TMEM182: variants seen among roughly 807,000 people sequenced by gnomAD.
The protein encoded by TMEM182 is transmembrane protein 182.
TMEM182 carries 20 observed loss-of-function variants against 26.8 expected under a neutral mutation model. The ratio of observed to expected loss-of-function variants is 0.75; its 90% CI spans 0.53 to 1.09. The LOEUF is 1.09. TMEM182 is among the 50% of genes least tolerant of loss of function. TMEM182 has a pLI of 0.00. For synonymous variants in TMEM182, 109 were observed against 102.2 expected, an observed-to-expected ratio of 1.07 and a Z score of -0.40; for missense variants, 277 against 275.5, an observed-to-expected ratio of 1.01 and a Z score of -0.04.
At chr2:102,818,930 C>T (rs978524608), downstream of TMEM182, among the ~76,000 whole-genome samples, 10 of 152,026 alleles carry the variant, frequency 6.6e-5, no homozygotes, top group African/African-American at 2.4e-4. Context: ...GATAGTTTAC[C>T]TTGGGTTTAT....
At chr2:102,786,210 G>GTTTTT (rs772846502) in intron 3 of TMEM182, among the ~76,000 whole-genome samples, 984 of 91,784 alleles carry the variant, frequency 0.011, 16 homozygotes, top group East Asian at 0.016. Context: ...TCAGCAATCT[G>GTTTTT]TTTTTTTTTT....
intron 3 of TMEM182, among the ~76,000 whole-genome samples, chr2:102,827,056 C>T (rs943668597): frequency 3.9e-5 from 6 of 152,200 alleles, no homozygotes; most frequent in Non-Finnish European, 8.8e-5. Flanking sequence ...CCCTTTGAAA[C>T]GGGTCGCTCT....
chr2:102,744,631 A>C (rs1679637819), intron 1 of TMEM182, among the ~76,000 whole-genome samples: 1 of 152,090 alleles, frequency 6.6e-6, no homozygotes. Context: ...ATGTTATATA[A>C]CTAGGCTTGA....
chr2:102,818,828 CTA>C (rs1178468789), downstream of TMEM182, among the ~76,000 whole-genome samples: 1 of 152,062 alleles, frequency 6.6e-6, no homozygotes, highest in African/African-American at 2.4e-5. Context: ...TAGATACTCT[CTA>C]TATCTATACA....
At chr2:102,812,772 A>G (rs951215282) in intron 4 of TMEM182, among the ~76,000 whole-genome samples, 3 of 152,214 alleles carry the variant, frequency 2.0e-5, no homozygotes, top group African/African-American at 7.2e-5. Flanking sequence ...CACATGATGC[A>G]AGGAAGATAA....
chr2:102,832,930 G>C (rs926870110), intron 3 of TMEM182, among the ~76,000 whole-genome samples: 2 of 152,168 alleles, frequency 1.3e-5, no homozygotes, highest in African/African-American at 4.8e-5. Context: ...AGGGAGACAG[G>C]CTTGGATGAC....
rs1276035659 is a variant in TMEM182 at position 102,762,123 on chromosome 2, T to A, written c.-95T>A. 1.5e-4 allele frequency: 7 copies of A among 47,798 alleles called. No homozygotes were observed. Among genetic ancestry groups the A allele is most frequent in the African/African-American group, 8.8e-4 (6 of 6,834 alleles). The allele number at this position is 47,798 out of a possible 1,614,324, so 3.0% of individuals were successfully genotyped here. On this transcript the variant is annotated 5_prime_UTR_variant, in exon 1 of 5. Transcript: ENST00000412401. The stretch of plus-strand genomic sequence containing the variant: ...TTCTGCCAACTCAAAAATATTATTC[T>A]TTTTTTTTTTTTTTTGCTGTTGTTT...
chr2:102,796,962 C>A (rs1045501158), intron 3 of TMEM182, among the ~76,000 whole-genome samples: 6 of 152,106 alleles, frequency 3.9e-5, no homozygotes, highest in African/African-American at 1.4e-4. Context: ...TGAGCGTTCC[C>A]CCATCTATAC....
intron 4 of TMEM182, among the ~76,000 whole-genome samples, chr2:102,809,735 A>G (rs954700459): frequency 1.3e-5 from 2 of 152,206 alleles, no homozygotes; most frequent in Non-Finnish European, 2.9e-5. Context: ...ATCATCCTTA[A>G]CATTTTATGA....
At chr2:102,808,381 G>C (rs545956099) in intron 4 of TMEM182, among the ~76,000 whole-genome samples, 155 of 152,260 alleles carry the variant, frequency 1.0e-3, no homozygotes, top group Non-Finnish European at 1.7e-3. Context: ...AGTTAAGGCA[G>C]TGTTTTATTA....
chr2:102,838,282 T>C (rs1172935070), intron 3 of TMEM182, among the ~76,000 whole-genome samples: 2 of 152,242 alleles, frequency 1.3e-5, no homozygotes, highest in Non-Finnish European at 2.9e-5. Flanking sequence ...TTGGTTTCCC[T>C]AGCTTCACTG....
downstream of TMEM182, among the ~76,000 whole-genome samples, chr2:102,819,416 G>T (rs896534468): frequency 1.3e-5 from 2 of 152,060 alleles, no homozygotes; most frequent in Non-Finnish European, 1.5e-5. Context: ...AAAAACTTTT[G>T]TGGGTATATG....
intron 3 of TMEM182, chr2:102,834,492 TG>T (rs1683206624): frequency 1.1e-6 from 1 of 938,556 alleles, no homozygotes; most frequent in Non-Finnish European, 1.3e-6. Context: ...CACTTTCAGA[TG>T]CACCGTCTCA....
At chr2:102,753,270 T>A (rs1679930467) in intron 1 of TMEM182, among the ~76,000 whole-genome samples, 2 of 151,906 alleles carry the variant, frequency 1.3e-5, no homozygotes, top group South Asian at 4.2e-4. Flanking sequence ...AGGCTGGAGC[T>A]ACATAGCAAA....
At chr2:102,840,112 T>G (rs1683320667) in intron 3 of TMEM182, among the ~76,000 whole-genome samples, 1 of 152,110 alleles carries the variant, frequency 6.6e-6, no homozygotes, top group Admixed American at 6.5e-5. Flanking sequence ...CATCTGCCAC[T>G]AGAGGGCGCA....
At chr2:102,794,274 A>G (rs899634761) in intron 3 of TMEM182, among the ~76,000 whole-genome samples, 1 of 152,052 alleles carries the variant, frequency 6.6e-6, no homozygotes, top group Non-Finnish European at 1.5e-5. Context: ...GGTCACTCGG[A>G]CTCCAACACC....
At chr2:102,798,145 A>G in intron 4 of TMEM182, 145 bp downstream of exon 4, 3 of 1,075,574 alleles carry the variant, frequency 2.8e-6, no homozygotes, top group African/African-American at 1.6e-5. Flanking sequence ...ACTAACTAAT[A>G]ATATTTGTAT....
intron 3 of TMEM182, among the ~76,000 whole-genome samples, chr2:102,837,659 A>T (rs1683272184): frequency 6.6e-6 from 1 of 152,138 alleles, no homozygotes; most frequent in African/African-American, 2.4e-5. Flanking sequence ...GAGCAAGAGG[A>T]GCTGCTGCAG....
At chr2:102,798,526 A>G (rs78511570) in intron 4 of TMEM182, among the ~76,000 whole-genome samples, 2,347 of 152,048 alleles carry the variant, frequency 0.015, 67 homozygotes, top group African/African-American at 0.053. Flanking sequence ...TTTCTACATC[A>G]CTCCCATTCA....
Sources: gnomAD v4.1 joint callset for allele counts (sites outside exome capture counted in the v4.1 genomes callset) on GRCh38, gnomAD v4.1.1 for gene constraint, MANE v1.5 for transcripts, NCBI Gene and HGNC (gene_info 2026-07-23, HGNC 2026-07-21) for gene names.